Variants in SPIDR observed in about 807,000 individuals in gnomAD.
SPIDR encodes DNA repair-scaffolding protein.
Under a neutral mutation model 104.6 loss-of-function variants are expected in SPIDR, and 93 were observed. That is an observed-to-expected ratio of 0.89 (90% CI 0.75 to 1.06). The LOEUF (loss-of-function observed/expected upper bound fraction) is 1.06. SPIDR is among the 50% of genes least tolerant of loss of function. The pLI is 0.00. For missense variants in SPIDR, 1,154 were observed against 1,111.2 expected (o/e 1.04, Z -0.55); for synonymous variants, 431 against 416.9 (o/e 1.03, Z -0.41).
At chr8:47,702,144 G>A in intron 14 of SPIDR, 129 bp downstream of exon 14, 1 of 1,043,388 alleles carries the variant, frequency 9.6e-7, no homozygotes, top group Non-Finnish European at 1.4e-6. Flanking sequence ...CACGGTGTTA[G>A]AGGTTTATTA....
At chr8:47,561,244 C>T (rs564539606) in intron 8 of SPIDR, among the ~76,000 whole-genome samples, 2 of 152,336 alleles carry the variant, frequency 1.3e-5, no homozygotes, top group East Asian at 3.9e-4. Context: ...GTCTGTGTGG[C>T]AGCATAGCAG....
chr8:47,518,044 C>G (rs1194011918), intron 8 of SPIDR, among the ~76,000 whole-genome samples: 3 of 152,074 alleles, frequency 2.0e-5, no homozygotes, highest in Non-Finnish European at 4.4e-5. Context: ...GGAGTTTTTA[C>G]TTTAAATTCT....
chr8:47,290,977 C>A, intron 3 of SPIDR, 56 bp from the exon 4 acceptor site: 1 of 1,319,064 alleles, frequency 7.6e-7, no homozygotes, highest in Admixed American at 2.2e-5. Context: ...AAATTGTATT[C>A]TGATAAATGA....
chr8:47,270,798 C>T (rs1342053869), intron 1 of SPIDR, among the ~76,000 whole-genome samples: 1 of 152,014 alleles, frequency 6.6e-6, no homozygotes, highest in Non-Finnish European at 1.5e-5. Context: ...CTAATTTTCT[C>T]ATGATTTCTT....
Position 47,293,851 on chromosome 8 carries a change from A to C in SPIDR, c.362-16A>C. On this transcript the variant is annotated splice_polypyrimidine_tract_variant and intron_variant, in intron 4 of 19. Coordinates refer to ENST00000297423, the MANE Select transcript of SPIDR (RefSeq NM_001080394.4). ...TTAAGGAGATAATTAAGCAAGTTAA[A>C]AATTATATTTTTTAGATGAATTACA... The C allele has an allele frequency of 1.3e-6, 2 of 1,596,930 alleles. No individual in the cohort carries two copies. Among genetic ancestry groups the C allele is most frequent in the South Asian group, 1.1e-5 (1 of 89,046 alleles).
At chr8:47,488,745 A>G (rs1243836366) in intron 8 of SPIDR, among the ~76,000 whole-genome samples, 1 of 152,230 alleles carries the variant, frequency 6.6e-6, no homozygotes, top group African/African-American at 2.4e-5. Flanking sequence ...AACCAAAGAC[A>G]AAAACCACAT....
intron 10 of SPIDR, chr8:47,654,080 T>A (rs894701986): frequency 2.3e-6 from 3 of 1,289,776 alleles, no homozygotes; most frequent in Non-Finnish European, 3.0e-6. Context: ...TTGATCTTCT[T>A]AGGCCCCACC....
intron 14 of SPIDR, among the ~76,000 whole-genome samples, chr8:47,710,616 G>C (rs907623720): frequency 3.3e-5 from 5 of 151,386 alleles, no homozygotes. Context: ...TTACATCCAT[G>C]TGCCTCCACG....
intron 10 of SPIDR, among the ~76,000 whole-genome samples, chr8:47,642,345 G>T (rs1418030533): frequency 2.0e-5 from 3 of 151,978 alleles, no homozygotes; most frequent in Non-Finnish European, 2.9e-5. Context: ...GAACCCAGGA[G>T]GTGGAGGTTG....
At chr8:47,304,872 G>T (rs1371606955) in intron 5 of SPIDR, among the ~76,000 whole-genome samples, 2 of 152,224 alleles carry the variant, frequency 1.3e-5, no homozygotes, top group East Asian at 1.9e-4. Flanking sequence ...TTGCCCTCAT[G>T]AATAGATTAA....
chr8:47,313,263 A>G (rs1368614265), intron 5 of SPIDR, among the ~76,000 whole-genome samples: 13 of 152,182 alleles, frequency 8.5e-5, no homozygotes, highest in Non-Finnish European at 1.6e-4. Context: ...CTTCTAGACC[A>G]ATAACAGACA....
chr8:47,294,749 G>A (rs2040538514), intron 5 of SPIDR, among the ~76,000 whole-genome samples: 1 of 152,144 alleles, frequency 6.6e-6, no homozygotes, highest in Admixed American at 6.5e-5. Flanking sequence ...TCTCACCTCA[G>A]CCTCCAGAGT....
At chr8:47,290,922 C>T (rs1335313693) in intron 3 of SPIDR, 111 bp from the exon 4 acceptor site, 2 of 655,988 alleles carry the variant, frequency 3.0e-6, no homozygotes, top group East Asian at 5.4e-5. Context: ...CTTTTCCTAT[C>T]ACAGAGTTTT....
intron 10 of SPIDR, among the ~76,000 whole-genome samples, chr8:47,640,882 T>G (rs2068822189): frequency 1.6e-5 from 2 of 127,664 alleles, no homozygotes; most frequent in African/African-American, 5.7e-5. Flanking sequence ...TTTTTTTTTT[T>G]TTTGTATTTT....
intron 7 of SPIDR, among the ~76,000 whole-genome samples, chr8:47,428,249 A>G (rs1351841683): frequency 1.3e-5 from 2 of 152,214 alleles, no homozygotes; most frequent in South Asian, 2.1e-4. Flanking sequence ...CTATACAGAA[A>G]GTGGTGTGAG....
intron 8 of SPIDR, among the ~76,000 whole-genome samples, chr8:47,582,236 T>C (rs2059783398): frequency 7.3e-6 from 1 of 136,746 alleles, no homozygotes; most frequent in African/African-American, 2.8e-5. Flanking sequence ...AAAAAAAAAC[T>C]GCTTGTTTTT....
intron 7 of SPIDR, among the ~76,000 whole-genome samples, chr8:47,421,723 T>A (rs1228414159): frequency 6.6e-6 from 1 of 152,350 alleles, no homozygotes; most frequent in Middle Eastern, 3.4e-3. Flanking sequence ...GCTCTGTTTT[T>A]TCCCCATCTT....
At chr8:47,540,308 G>T (rs1392689848) in intron 8 of SPIDR, among the ~76,000 whole-genome samples, 1 of 152,066 alleles carries the variant, frequency 6.6e-6, no homozygotes, top group Non-Finnish European at 1.5e-5. Flanking sequence ...CATCCAAAAA[G>T]AATTTGCTAA....
intron 5 of SPIDR, among the ~76,000 whole-genome samples, chr8:47,343,786 A>C (rs2051265147): frequency 6.6e-6 from 1 of 152,080 alleles, no homozygotes; most frequent in Non-Finnish European, 1.5e-5. Flanking sequence ...CATTCCCAGA[A>C]GTTTCTACAG....
Sources: gnomAD v4.1 joint callset for allele counts (sites outside exome capture counted in the v4.1 genomes callset) on GRCh38, gnomAD v4.1.1 for gene constraint, MANE v1.5 for transcripts, NCBI Gene and HGNC (gene_info 2026-07-23, HGNC 2026-07-21) for gene names.